Variants in CAMK1D observed in about 807,000 individuals in gnomAD.
CAMK1D encodes the protein calcium/calmodulin dependent protein kinase ID, also known as calcium/calmodulin-dependent protein kinase type 1D.
CAMK1D carries 9 observed loss-of-function variants against 47.7 expected under a neutral mutation model. The observed-to-expected ratio is 0.19, with a 90% CI of 0.11 to 0.33. The LOEUF (loss-of-function observed/expected upper bound fraction) is 0.33. Ranked by LOEUF, CAMK1D falls within the 10% of genes least tolerant of loss-of-function variation. The pLI is 1.00. For missense variants in CAMK1D, 291 were observed against 488.7 expected (o/e 0.60, Z 3.81); for synonymous variants, 184 against 184.9 (o/e 0.99, Z 0.04).
chr10:12,764,128 C>G (rs111515686), intron 4 of CAMK1D, among the ~76,000 whole-genome samples: 12 of 152,334 alleles, frequency 7.9e-5, no homozygotes, highest in African/African-American at 2.6e-4. Flanking sequence ...CGCCTGTAAT[C>G]CCAGCACTTT....
intron 10 of CAMK1D, 113 bp from the exon 11 acceptor site, chr10:12,828,656 T>C (rs866199104): frequency 5.4e-6 from 3 of 555,120 alleles, no homozygotes; most frequent in Non-Finnish European, 9.1e-6. Flanking sequence ...AAAAAAAAAA[T>C]TGGGCCCCCC....
At chr10:12,372,646 TCTCA>T (rs984303376) in intron 1 of CAMK1D, among the ~76,000 whole-genome samples, 5 of 152,174 alleles carry the variant, frequency 3.3e-5, no homozygotes, top group African/African-American at 1.2e-4. Context: ...CGAGACAGGG[TCTCA>T]CTCTGTCATT....
intron 2 of CAMK1D, among the ~76,000 whole-genome samples, chr10:12,561,142 C>A (rs1836931199): frequency 1.3e-5 from 2 of 152,094 alleles, no homozygotes; most frequent in African/African-American, 4.8e-5. Flanking sequence ...TGGTCTCGAT[C>A]TCCTGACCTT....
At chr10:12,376,162 CAAAAAAA>C (rs59804213) in intron 1 of CAMK1D, among the ~76,000 whole-genome samples, 2 of 59,988 alleles carry the variant, frequency 3.3e-5, no homozygotes, top group Admixed American at 2.7e-4. Flanking sequence ...GACTCTGTCC[CAAAAAAA>C]AAAAAAAAAA....
At chr10:12,443,137 A>T (rs1342119968) in intron 1 of CAMK1D, among the ~76,000 whole-genome samples, 1 of 152,134 alleles carries the variant, frequency 6.6e-6, no homozygotes, top group Non-Finnish European at 1.5e-5. Context: ...ACTCTGGAAA[A>T]CAGATTCAAA....
intron 3 of CAMK1D, among the ~76,000 whole-genome samples, chr10:12,683,088 A>T (rs1435287382): frequency 1.5e-5 from 2 of 134,888 alleles, no homozygotes; most frequent in African/African-American, 5.6e-5. Flanking sequence ...CACCCAGCTA[A>T]TTTTTTTTTT....
chr10:12,700,490 A>T (rs1047237734), intron 3 of CAMK1D, among the ~76,000 whole-genome samples: 2 of 152,114 alleles, frequency 1.3e-5, no homozygotes, highest in East Asian at 3.9e-4. Flanking sequence ...CACATGTGGG[A>T]ATTAAAGGGA....
intron 1 of CAMK1D, among the ~76,000 whole-genome samples, chr10:12,465,596 C>T (rs556186821): frequency 1.3e-5 from 2 of 152,194 alleles, no homozygotes; most frequent in Non-Finnish European, 2.9e-5. Context: ...CTCAAGTGAT[C>T]CACCCACCTT....
At chr10:12,813,298 GATGTGCAGGTTATGTGCGTGACA>G (rs1564581199) in intron 6 of CAMK1D, among the ~76,000 whole-genome samples, 3 of 152,168 alleles carry the variant, frequency 2.0e-5, no homozygotes, top group Non-Finnish European at 4.4e-5. Flanking sequence ...GTAGTGTGCT[GATGTGCAGGTTATGTGCGTGACA>G]ATGTGCAGGT....
intron 1 of CAMK1D, among the ~76,000 whole-genome samples, chr10:12,485,911 T>C (rs1232304452): frequency 6.6e-6 from 1 of 152,158 alleles, no homozygotes; most frequent in East Asian, 1.9e-4. Context: ...GAGTGAGTCT[T>C]TGGTGTCCAT....
rs373947342 is a variant in CAMK1D at position 12,819,415 on chromosome 10, G to T, written c.833+3087G>T. 1.3e-3 allele frequency among the ~76,000 whole-genome samples: 203 copies of T among 152,344 alleles called. 5 individuals carry two copies. In the South Asian group the frequency reaches 0.04, roughly 30 times the overall value. ...AGACTGGGAAGGAGGGCAGGAACTG[G>T]CAGGCAGGGCAGGGGCCTGGCCTGG... On this transcript the variant is annotated intron_variant, in intron 8 of 10. Transcript: ENST00000619168.
intron 1 of CAMK1D, among the ~76,000 whole-genome samples, chr10:12,477,644 G>T (rs916922228): frequency 2.6e-5 from 4 of 152,166 alleles, no homozygotes; most frequent in African/African-American, 9.6e-5. Context: ...CATGGGCCAG[G>T]GAAGTGGAGC....
chr10:12,415,752 T>TC (rs1455393346), intron 1 of CAMK1D, among the ~76,000 whole-genome samples: 2 of 151,962 alleles, frequency 1.3e-5, no homozygotes, highest in Non-Finnish European at 2.9e-5. Flanking sequence ...TTACGTTTTT[T>TC]TTTTTTTGTC....
At chr10:12,415,561 A>G (rs531482319) in intron 1 of CAMK1D, among the ~76,000 whole-genome samples, 14 of 149,750 alleles carry the variant, frequency 9.3e-5, no homozygotes, top group Non-Finnish European at 1.8e-4. Context: ...TGGCCTCCCA[A>G]AGTGCTGGGA....
At position 12,834,923 on chromosome 10, in the gene CAMK1D, C is replaced by T. The variant is rs1019148188; in HGVS notation, c.*6036C>T. 12 of 152,124 alleles carry T rather than the reference C, an allele frequency of 7.9e-5. No homozygotes were observed. Among genetic ancestry groups the T allele is most frequent in the African/African-American group, 2.9e-4 (12 of 41,422 alleles). 9.4% of individuals were successfully genotyped at this position (152,124 alleles called of 1,614,324 possible). On this transcript the variant is annotated 3_prime_UTR_variant, in exon 11 of 11. Coordinates refer to ENST00000619168, the MANE Select transcript of CAMK1D (RefSeq NM_153498.4). ...CTAAAAAGGAACAAGAACATCAGCT[C>T]GGATGTTTGTCTCTCAGCCCTGACA...
At position 12,405,454 on chromosome 10, in the gene CAMK1D, G is replaced by A. The variant is rs186209798; in HGVS notation, c.92+55544G>A. On this transcript the variant is annotated intron_variant, in intron 1 of 10. Coordinates refer to ENST00000619168, the MANE Select transcript of CAMK1D (RefSeq NM_153498.4). ...CATGTTCAGTCCAGAGACAGGCAGT[G>A]AACTAACGAGAAAACTCCGCTGTTT... Among the ~76,000 whole-genome samples the A allele has an allele frequency of 2.4e-3, 372 of 152,304 alleles. 1 individual carries two copies. Among genetic ancestry groups the A allele is most frequent in the African/African-American group, 8.0e-3 (332 of 41,566 alleles).
At chr10:12,585,594 T>G (rs1837792716) in intron 2 of CAMK1D, among the ~76,000 whole-genome samples, 1 of 152,182 alleles carries the variant, frequency 6.6e-6, no homozygotes, top group African/African-American at 2.4e-5. Flanking sequence ...ACATCTTACA[T>G]GGTGGCAAAC....
intron 1 of CAMK1D, among the ~76,000 whole-genome samples, chr10:12,474,871 T>TG (rs1285125985): frequency 1.3e-5 from 2 of 152,010 alleles, no homozygotes; most frequent in Non-Finnish European, 2.9e-5. Context: ...TCCTGCATTT[T>TG]TTTTTTTGCT....
chr10:12,412,455 C>CAAAAAAAAAA (rs1180559333), intron 1 of CAMK1D, among the ~76,000 whole-genome samples: 10 of 118,656 alleles, frequency 8.4e-5, no homozygotes, highest in African/African-American at 1.0e-4. Context: ...ACTAAAAATA[C>CAAAAAAAAAA]AAAAAAAAAA....
Sources: gnomAD v4.1 joint callset for allele counts (sites outside exome capture counted in the v4.1 genomes callset) on GRCh38, gnomAD v4.1.1 for gene constraint, MANE v1.5 for transcripts, NCBI Gene and HGNC (gene_info 2026-07-23, HGNC 2026-07-21) for gene names.